The following SNTG1 variants were observed in gnomAD, a reference collection of about 807,000 sequenced individuals.
SNTG1 encodes the protein gamma-1-syntrophin.
In SNTG1, 39 loss-of-function variants were observed where a neutral mutation model predicts 74.7. The observed-to-expected ratio is 0.52, with a 90% confidence interval of 0.40 to 0.68. The LOEUF (loss-of-function observed/expected upper bound fraction) is 0.68. SNTG1 is among the 30% of genes least tolerant of loss of function. SNTG1 has a pLI of 0.00. For synonymous variants in SNTG1, 254 were observed against 217.1 expected, an observed-to-expected ratio of 1.17 and a Z score of -1.49; for missense variants, 685 against 609.5, an observed-to-expected ratio of 1.12 and a Z score of -1.30.
At chr8:50,719,494 T>C (rs2095482639) in intron 17 of SNTG1, among the ~76,000 whole-genome samples, 1 of 152,242 alleles carries the variant, frequency 6.6e-6, no homozygotes, top group Non-Finnish European at 1.5e-5. Context: ...ATTGTTTCTA[T>C]GTTATTCAGT....
intron 2 of SNTG1, among the ~76,000 whole-genome samples, chr8:50,298,393 G>A (rs565844132): frequency 3.3e-5 from 5 of 152,200 alleles, no homozygotes; most frequent in Middle Eastern, 3.4e-3. Context: ...TTCCAAAGAT[G>A]CACTCTCAAG....
intron 8 of SNTG1, among the ~76,000 whole-genome samples, chr8:50,477,420 C>T (rs970581201): frequency 3.3e-5 from 5 of 151,848 alleles, no homozygotes; most frequent in Admixed American, 2.6e-4. Context: ...GAAAAAAAAT[C>T]AGAAAAAAAT....
intron 2 of SNTG1, among the ~76,000 whole-genome samples, chr8:50,363,210 A>G (rs1159457474): frequency 6.6e-6 from 1 of 152,208 alleles, no homozygotes; most frequent in Admixed American, 6.5e-5. Flanking sequence ...ACCAATATTT[A>G]TGAAGAAACT....
intron 9 of SNTG1, among the ~76,000 whole-genome samples, chr8:50,529,609 C>T (rs76671326): frequency 0.052 from 7,892 of 152,032 alleles, 317 homozygotes; most frequent in South Asian, 0.18. Flanking sequence ...AGGCATTACT[C>T]ATCTTTAAAA....
rs996797509 is a variant in SNTG1, at chr8:50,126,075, C to T, written c.-102-46486C>T. ...CAATGGCTGGTTCTGCGGCACCCTT[C>T]TTGGGTCATCACACCTGAGGACAAG... On this transcript the variant is annotated intron_variant, in intron 1 of 18. Coordinates refer to ENST00000642720, the MANE Select transcript of SNTG1 (RefSeq NM_018967.5). Among the ~76,000 whole-genome samples the T allele has an allele frequency of 3.4e-4, 51 of 152,106 alleles. 1 individual carries two copies. Among genetic ancestry groups the T allele is most frequent in the African/African-American group, 1.2e-3 (50 of 41,428 alleles).
At chr8:50,115,516 C>T (rs572302241) in intron 1 of SNTG1, among the ~76,000 whole-genome samples, 83 of 135,064 alleles carry the variant, frequency 6.1e-4, no homozygotes, top group South Asian at 2.0e-3. Context: ...TGCAATGAGC[C>T]AAGATCTTGC....
intron 2 of SNTG1, among the ~76,000 whole-genome samples, chr8:50,269,401 T>C (rs1220538563): frequency 6.6e-6 from 1 of 152,192 alleles, no homozygotes; most frequent in East Asian, 1.9e-4. Flanking sequence ...AATTTGTTGA[T>C]TTTATTACTG....
At chr8:50,153,518 C>T in intron 1 of SNTG1, among the ~76,000 whole-genome samples, 1 of 152,126 alleles carries the variant, frequency 6.6e-6, no homozygotes, top group East Asian at 1.9e-4. Context: ...CTGTTTTTTC[C>T]CCATCTTTGT....
chr8:50,730,318 A>AG (rs2095509969), intron 17 of SNTG1, among the ~76,000 whole-genome samples: 1 of 152,226 alleles, frequency 6.6e-6, no homozygotes, highest in African/African-American at 2.4e-5. Context: ...AGTGTGAAAA[A>AG]GAACACTGCT....
At chr8:50,000,384 T>G in intron 1 of SNTG1, among the ~76,000 whole-genome samples, 1 of 152,156 alleles carries the variant, frequency 6.6e-6, no homozygotes. Context: ...ATGCTAGAAG[T>G]GCCTGTGTGT....
chr8:49,953,284 C>A (rs563591705), intron 1 of SNTG1, among the ~76,000 whole-genome samples: 1 of 152,304 alleles, frequency 6.6e-6, no homozygotes, highest in East Asian at 1.9e-4. Context: ...ATAGAGTAGA[C>A]CAACTCACAG....
At chr8:50,456,208 A>G (rs2093503762) in intron 8 of SNTG1, among the ~76,000 whole-genome samples, 1 of 152,182 alleles carries the variant, frequency 6.6e-6, no homozygotes, top group Non-Finnish European at 1.5e-5. Flanking sequence ...CATTTTAATG[A>G]CTGCATGCTT....
intron 1 of SNTG1, among the ~76,000 whole-genome samples, chr8:50,123,873 G>A (rs1003413113): frequency 7.0e-6 from 1 of 142,200 alleles, no homozygotes; most frequent in Non-Finnish European, 1.6e-5. Flanking sequence ...TAAGTAGCAG[G>A]GCTTGGAGTC....
intron 15 of SNTG1, among the ~76,000 whole-genome samples, chr8:50,694,627 G>T (rs536342742): frequency 1.8e-4 from 28 of 152,054 alleles, no homozygotes; most frequent in Admixed American, 3.3e-4. Context: ...GACATCATAA[G>T]AAAAGAAAAT....
intron 4 of SNTG1, among the ~76,000 whole-genome samples, chr8:50,425,768 G>A (rs1423400266): frequency 6.6e-6 from 1 of 152,068 alleles, no homozygotes; most frequent in South Asian, 2.1e-4. Context: ...TGAAAGAAAG[G>A]TCAATCTGAT....
intron 9 of SNTG1, among the ~76,000 whole-genome samples, chr8:50,505,663 A>G (rs1156705687): frequency 1.3e-5 from 2 of 152,082 alleles, no homozygotes. Context: ...CTTTGAAGAC[A>G]TGTCTATTCA....
At chr8:49,913,836 T>C (rs1022119452) in intron 1 of SNTG1, among the ~76,000 whole-genome samples, 2 of 152,192 alleles carry the variant, frequency 1.3e-5, no homozygotes, top group African/African-American at 4.8e-5. Flanking sequence ...CCCTAGTCAG[T>C]AGGGCATAAA....
chr8:50,683,089 C>T (rs1240831558), intron 15 of SNTG1, among the ~76,000 whole-genome samples: 3 of 152,084 alleles, frequency 2.0e-5, no homozygotes, highest in Non-Finnish European at 2.9e-5. Context: ...CAAAGCTCCA[C>T]GAGGGAGAGA....
chr8:50,183,829 C>T (rs569860802), intron 2 of SNTG1, among the ~76,000 whole-genome samples: 2 of 152,276 alleles, frequency 1.3e-5, no homozygotes, highest in East Asian at 3.9e-4. Flanking sequence ...TATTTTCTCT[C>T]CAAACTTTCA....
Sources: allele counts gnomAD v4.1 joint callset (sites outside exome capture counted in the v4.1 genomes callset), GRCh38; gene constraint gnomAD v4.1.1; transcripts MANE v1.5; gene names NCBI Gene and HGNC (gene_info 2026-07-23, HGNC 2026-07-21).